Variants in MCTP1 observed in about 807,000 individuals in gnomAD.
The protein encoded by MCTP1 is multiple C2 and transmembrane domain-containing protein 1.
In MCTP1, 69 loss-of-function variants were observed where a neutral mutation model predicts 120.6. The ratio of observed to expected loss-of-function variants is 0.57; its 90% confidence interval spans 0.47 to 0.70. MCTP1 has a LOEUF of 0.70. Ranked by LOEUF, MCTP1 falls within the 30% of genes least tolerant of loss-of-function variation. The pLI is 0.00. For missense variants in MCTP1, 1,203 were observed against 1,248.8 expected (o/e 0.96, Z 0.55); for synonymous variants, 529 against 493.1 (o/e 1.07, Z -0.96).
chr5:95,235,790 T>C (rs1476289451), intron 1 of MCTP1, among the ~76,000 whole-genome samples: 2 of 152,172 alleles, frequency 1.3e-5, no homozygotes, highest in Non-Finnish European at 2.9e-5. Context: ...ATCTGATGAT[T>C]CTACAAAAAT....
At chr5:95,271,230 A>G (rs1325552060) in intron 1 of MCTP1, among the ~76,000 whole-genome samples, 6 of 152,234 alleles carry the variant, frequency 3.9e-5, no homozygotes, top group African/African-American at 1.4e-4. Context: ...ATAGTGTAAG[A>G]AATGTTTTTC....
At chr5:94,740,485 T>A (rs1489823538) in intron 19 of MCTP1, among the ~76,000 whole-genome samples, 2 of 152,166 alleles carry the variant, frequency 1.3e-5, no homozygotes, top group African/African-American at 4.8e-5. Context: ...TGGCTCAAAA[T>A]GAATAATTTA....
intron 1 of MCTP1, among the ~76,000 whole-genome samples, chr5:95,025,097 C>T (rs1004456523): frequency 2.0e-5 from 3 of 151,902 alleles, no homozygotes; most frequent in African/African-American, 4.8e-5. Flanking sequence ...CATAGACAAC[C>T]CTGAATGACC....
chr5:94,986,340 A>G (rs930524310), intron 2 of MCTP1, among the ~76,000 whole-genome samples: 1 of 152,092 alleles, frequency 6.6e-6, no homozygotes, highest in Non-Finnish European at 1.5e-5. Flanking sequence ...TGTCTTCTGT[A>G]TGTCAAAGCA....
chr5:94,763,817 A>G (rs1350187402), intron 19 of MCTP1, among the ~76,000 whole-genome samples: 1 of 152,230 alleles, frequency 6.6e-6, no homozygotes, highest in Non-Finnish European at 1.5e-5. Context: ...TGAAAGAAAA[A>G]AAATTTTAAA....
chr5:95,010,997 C>T (rs1048249740), intron 2 of MCTP1, among the ~76,000 whole-genome samples: 1 of 152,094 alleles, frequency 6.6e-6, no homozygotes, highest in Admixed American at 6.6e-5. Context: ...GACAAGAATG[C>T]CACAGAAATG....
At chr5:95,067,617 A>G (rs1200746478) in intron 1 of MCTP1, among the ~76,000 whole-genome samples, 4 of 152,022 alleles carry the variant, frequency 2.6e-5, no homozygotes, top group Non-Finnish European at 5.9e-5. Flanking sequence ...TATATTTTTA[A>G]ATATTTTAAA....
intron 17 of MCTP1, among the ~76,000 whole-genome samples, chr5:94,866,350 T>A (rs914859974): frequency 7.2e-5 from 11 of 151,812 alleles, no homozygotes; most frequent in African/African-American, 2.7e-4. Flanking sequence ...AAATGACATT[T>A]GATTTTGTTA....
intron 1 of MCTP1, among the ~76,000 whole-genome samples, chr5:95,190,279 C>A (rs923655588): frequency 3.3e-5 from 5 of 151,912 alleles, no homozygotes; most frequent in African/African-American, 1.2e-4. Flanking sequence ...TGCAGAGAAG[C>A]CAATTCTTGG....
In MCTP1 at chr5:95,186,249, C is replaced by A. The variant is rs551701472; in HGVS notation, c.720+97607G>T. Among the ~76,000 whole-genome samples the A allele has an allele frequency of 6.2e-5, 9 of 144,594 alleles. No homozygotes were observed. In the East Asian group the frequency reaches 1.4e-3, roughly 22 times the overall value. 94.9% of individuals were successfully genotyped at this position (144,594 alleles called of 152,430 possible). The stretch of plus-strand genomic sequence containing the variant: ...ACGTAATTGTCTATGTAGAAAATCC[C>A]AAGGAATCTACCAAAAAAAAAAGAA... On this transcript the variant is annotated intron_variant, in intron 1 of 22. Transcript: ENST00000515393.
intron 1 of MCTP1, among the ~76,000 whole-genome samples, chr5:95,278,765 C>T (rs959821787): frequency 7.9e-5 from 12 of 151,718 alleles, no homozygotes; most frequent in Admixed American, 2.0e-4. Flanking sequence ...GAGTTCGAGA[C>T]GAGCCTAACC....
intron 1 of MCTP1, among the ~76,000 whole-genome samples, chr5:95,053,118 C>T (rs1433701990): frequency 1.3e-5 from 2 of 152,110 alleles, no homozygotes; most frequent in Admixed American, 1.3e-4. Context: ...CATATTTTTA[C>T]ATGAAAATCA....
chr5:95,194,832 C>A (rs1220425428), intron 1 of MCTP1, among the ~76,000 whole-genome samples: 1 of 152,110 alleles, frequency 6.6e-6, no homozygotes, highest in African/African-American at 2.4e-5. Flanking sequence ...CAGAATAGCA[C>A]CCACAGAATA....
chr5:94,837,494 C>T (rs976086899), intron 17 of MCTP1, among the ~76,000 whole-genome samples: 1 of 152,124 alleles, frequency 6.6e-6, no homozygotes, highest in African/African-American at 2.4e-5. Context: ...ACTCCTCTGC[C>T]CCTTGGTCTC....
At chr5:94,806,307 A>G (rs1448957029) in intron 17 of MCTP1, among the ~76,000 whole-genome samples, 1 of 152,154 alleles carries the variant, frequency 6.6e-6, no homozygotes, top group Non-Finnish European at 1.5e-5. Flanking sequence ...TTTTTCAAAT[A>G]AAGATTAAAC....
At chr5:94,825,736 C>A (rs1385587133) in intron 17 of MCTP1, among the ~76,000 whole-genome samples, 1 of 150,930 alleles carries the variant, frequency 6.6e-6, no homozygotes, top group African/African-American at 2.4e-5. Context: ...GTATTGGGTG[C>A]ATATATATAT....
intron 1 of MCTP1, among the ~76,000 whole-genome samples, chr5:95,087,594 C>T (rs1045584189): frequency 6.6e-6 from 1 of 152,174 alleles, no homozygotes; most frequent in Admixed American, 6.5e-5. Flanking sequence ...TTAGCCTCTA[C>T]ACAATATGAG....
chr5:94,994,118 G>A (rs1421497405), intron 2 of MCTP1, among the ~76,000 whole-genome samples: 1 of 152,202 alleles, frequency 6.6e-6, no homozygotes, highest in Admixed American at 6.5e-5. Context: ...CTCAGGTTCA[G>A]AGCTCCCTAT....
At chr5:95,180,114 T>C (rs1748442507) in intron 1 of MCTP1, among the ~76,000 whole-genome samples, 1 of 152,112 alleles carries the variant, frequency 6.6e-6, no homozygotes, top group African/African-American at 2.4e-5. Context: ...TAAATATACA[T>C]ATGCACCTAA....
Sources: gnomAD v4.1 joint callset for allele counts (sites outside exome capture counted in the v4.1 genomes callset) on GRCh38, gnomAD v4.1.1 for gene constraint, MANE v1.5 for transcripts, NCBI Gene and HGNC (gene_info 2026-07-23, HGNC 2026-07-21) for gene names.